The following SUN1 variants were observed in gnomAD, a reference collection of about 807,000 sequenced individuals.
SUN1 encodes the protein SUN domain-containing protein 1.
SUN1 carries 61 observed loss-of-function variants against 103.2 expected under a neutral mutation model. The ratio of observed to expected loss-of-function variants is 0.59; its 90% CI spans 0.48 to 0.73. The LOEUF is 0.73. Among genes scored for constraint, SUN1 ranks in the 30% least tolerant of loss-of-function variants. SUN1 has a pLI of 0.00. For synonymous variants in SUN1, 490 were observed against 425.7 expected (o/e 1.15, Z -1.86); for missense variants, 1,052 against 1,034.6 (o/e 1.02, Z -0.23).
chr7:869,163 A>T, intron 16 of SUN1, 186 bp from the exon 17 acceptor site: 1 of 683,614 alleles, frequency 1.5e-6, no homozygotes, highest in Non-Finnish European at 2.5e-6. Flanking sequence ...TATGGGTTGG[A>T]GATAGTGGCC....
chr7:856,293 G>A, intron 11 of SUN1, 65 bp from the exon 12 acceptor site: 1 of 1,513,462 alleles, frequency 6.6e-7, no homozygotes, highest in East Asian at 2.3e-5. Flanking sequence ...TTTTAAGTAT[G>A]TGGTTTTATG....
chr7:837,473 A>T (rs778889297), intron 1 of SUN1, among the ~76,000 whole-genome samples: 1 of 152,218 alleles, frequency 6.6e-6, no homozygotes, highest in Non-Finnish European at 1.5e-5. Flanking sequence ...AAGTACATCT[A>T]AATAACACAT....
rs1562542721 is a variant in SUN1 at position 832,531 on chromosome 7, T to C, written c.7T>C (p.Phe3Leu). The stretch of plus-strand genomic sequence containing the variant: ...ATGGTTTGAAGTGGTGAACATGGAT[T>C]TTTCTCGGCTTCACATGTACAGTCC... Reference protein sequence around the residue: MDFSRLHMYSPPQ... With the variant: MDLSRLHMYSPPQ... The change falls in exon 1 of 19, where the codon TTT becomes CTT. Residue 3 changes from phenylalanine to leucine, a missense_variant. By Grantham distance (22) the Phe-to-Leu change is conservative. Coordinates refer to ENST00000401592, the MANE Select transcript of SUN1 (RefSeq NM_001130965.3). 1 of 1,613,318 alleles carries C rather than the reference T, an allele frequency of 6.2e-7. No homozygotes were observed. The highest frequency in any genetic ancestry group is 1.7e-5 in the Admixed American group (1 of 59,894).
chr7:846,925 G>C (rs1174206555), intron 5 of SUN1, among the ~76,000 whole-genome samples: 1 of 152,074 alleles, frequency 6.6e-6, no homozygotes. Flanking sequence ...GAGGCAGGAG[G>C]ATCACTTAGG....
chr7:851,626 C>T (rs1041228971), intron 6 of SUN1, 144 bp downstream of exon 6: 6 of 767,468 alleles, frequency 7.8e-6, no homozygotes, highest in East Asian at 2.7e-5. Flanking sequence ...TTCTTTATGA[C>T]GTAGCAATGT....
At position 873,410 on chromosome 7, in the gene SUN1, C is replaced by T. The variant is rs527536067; in HGVS notation, c.*79C>T. The T allele has an allele frequency of 3.3e-4, 421 of 1,293,760 alleles. No homozygotes were observed. The highest frequency in any genetic ancestry group is 2.2e-4 in the Non-Finnish European group (193 of 895,872). The allele number at this position is 1,293,760 out of a possible 1,614,324, so 80.1% of individuals were successfully genotyped here. On this transcript the variant is annotated 3_prime_UTR_variant, in exon 19 of 19. Transcript: ENST00000401592. ...CACTGGAATCCTTCATGGACGAGGG[C>T]ATATACAATGATGGGACAGTGCCAC...
upstream of SUN1, chr7:816,149 C>T (rs1780335332): frequency 1.1e-5 from 3 of 277,696 alleles, no homozygotes; most frequent in African/African-American, 3.2e-5. Flanking sequence ...CCAACGTAGA[C>T]CGCGTATCTG....
At chr7:819,246 A>C (rs1783789160) in intron 1 of SUN1, among the ~76,000 whole-genome samples, 1 of 147,200 alleles carries the variant, frequency 6.8e-6, no homozygotes, top group South Asian at 2.1e-4. Context: ...CTAGACCCTC[A>C]TTAGACATAT....
Position 860,511 on chromosome 7 carries a change from C to G in SUN1, c.1779+129C>G, listed in dbSNP as rs954367855. The G allele has an allele frequency of 2.1e-6, 3 of 1,460,598 alleles. No individual in the cohort carries two copies. The African/African-American group carries it at 4.2e-5, about 20-fold the overall frequency. 90.5% of individuals were successfully genotyped at this position (1,460,598 alleles called of 1,614,324 possible). On this transcript the variant is annotated intron_variant, in intron 14 of 18. Coordinates refer to ENST00000401592, the MANE Select transcript of SUN1 (RefSeq NM_001130965.3). ...GTCTGGCTGGGGTGTGCTTAGCTGA[C>G]GTAAGTGAGATGAGACGTGCCTGGG...
intron 1 of SUN1, among the ~76,000 whole-genome samples, chr7:825,867 G>C: frequency 6.6e-6 from 1 of 150,850 alleles, no homozygotes; most frequent in East Asian, 1.9e-4. Flanking sequence ...GAAGATCTAA[G>C]GACGATAATT....
intron 1 of SUN1, among the ~76,000 whole-genome samples, chr7:824,412 C>A (rs1329110400): frequency 2.0e-5 from 3 of 152,150 alleles, no homozygotes; most frequent in Admixed American, 2.0e-4. Context: ...TTGGCGGTCC[C>A]CATCGTACTG....
chr7:841,863 T>G, intron 2 of SUN1, 83 bp from the exon 3 acceptor site: 1 of 1,433,678 alleles, frequency 7.0e-7, no homozygotes, highest in South Asian at 1.2e-5. Context: ...TATTCCCAGA[T>G]TAAGAGTTTG....
chr7:847,215 G>T (rs113401860), intron 5 of SUN1, among the ~76,000 whole-genome samples: 2,614 of 151,196 alleles, frequency 0.017, 65 homozygotes, highest in African/African-American at 0.059. Context: ...CGGAGTTGGC[G>T]GCCTTCCCCT....
intron 5 of SUN1, chr7:848,737 C>T (rs529584202): frequency 1.8e-6 from 1 of 553,060 alleles, no homozygotes; most frequent in East Asian, 6.6e-5. Flanking sequence ...GGTGCTGGCT[C>T]TCTCCTGGCT....
chr7:852,736 A>G (rs1271613479), intron 8 of SUN1, 69 bp downstream of exon 8: 4 of 1,613,614 alleles, frequency 2.5e-6, no homozygotes, highest in African/African-American at 1.3e-5. Context: ...CTTAGTGGAA[A>G]AAAATGAGCG....
rs1842928897 is a variant in SUN1, at chr7:873,238, C to G, written c.2265C>G (p.Phe755Leu). Residue 755 changes from phenylalanine to leucine, a missense_variant, in exon 19 of 19, where the codon TTC (phenylalanine) becomes TTG (leucine). Transcript: ENST00000401592. Reference sequence around the variant, plus strand: ...AGAAAAGACCCGACGACACAGCTTTCCAAATAGTGGAACTTCGGATTTTTT... The same window carrying G: ...AGAAAAGACCCGACGACACAGCTTTGCAAATAGTGGAACTTCGGATTTTTT... ...QALKRPDDTA[F>L]QIVELRIFSN... 2 of 1,614,252 alleles carry G rather than the reference C, an allele frequency of 1.2e-6. No homozygotes were observed. The highest frequency in any genetic ancestry group is 1.7e-6 in the Non-Finnish European group (2 of 1,180,032).
At chr7:825,899 T>TG (rs1459719224) in intron 1 of SUN1, among the ~76,000 whole-genome samples, 2 of 144,672 alleles carry the variant, frequency 1.4e-5, no homozygotes, top group Non-Finnish European at 3.1e-5. Flanking sequence ...TAGTACTGGT[T>TG]TTTTTTTTTC....
chr7:852,355 A>T, intron 7 of SUN1: 1 of 602,068 alleles, frequency 1.7e-6, no homozygotes, highest in Admixed American at 3.0e-5. Flanking sequence ...GAAGGCTGTG[A>T]TCCGAAGGGG....
upstream of SUN1, among the ~76,000 whole-genome samples, chr7:830,234 G>A (rs973607753): frequency 1.3e-5 from 2 of 152,194 alleles, no homozygotes; most frequent in African/African-American, 4.8e-5. Context: ...TGGGGACGCT[G>A]GGGCACATTG....
Sources: gnomAD v4.1 joint callset for allele counts (sites outside exome capture counted in the v4.1 genomes callset) on GRCh38, gnomAD v4.1.1 for gene constraint, MANE v1.5 for transcripts, NCBI Gene and HGNC (gene_info 2026-07-23, HGNC 2026-07-21) for gene names.